CCSER1: variants seen among roughly 807,000 people sequenced by gnomAD.
The protein encoded by CCSER1 is coiled-coil serine rich protein 1, also known as serine-rich coiled-coil domain-containing protein 1.
A neutral mutation model predicts 82.0 loss-of-function variants in CCSER1; 41 were observed. The observed-to-expected ratio is 0.50, with a 90% CI of 0.39 to 0.65. The LOEUF (loss-of-function observed/expected upper bound fraction) is 0.65, where lower values mean the gene tolerates loss of function less well. CCSER1 is among the 30% of genes least tolerant of loss of function. CCSER1 has a pLI of 0.00. For synonymous variants in CCSER1, 414 were observed against 383.9 expected, an observed-to-expected ratio of 1.08 and a Z score of -0.92; for missense variants, 1,119 against 1,064.2, an observed-to-expected ratio of 1.05 and a Z score of -0.72.
At chr4:91,588,860 A>T (rs1764134422) in intron 10 of CCSER1, among the ~76,000 whole-genome samples, 1 of 151,834 alleles carries the variant, frequency 6.6e-6, no homozygotes. Flanking sequence ...TATTAGTAAG[A>T]GCCTCAGCTT....
chr4:90,232,239 TAACCAAA>T (rs1744738180), intron 1 of CCSER1, among the ~76,000 whole-genome samples: 1 of 151,714 alleles, frequency 6.6e-6, no homozygotes. Context: ...AAGGCTACAG[TAACCAAA>T]ACAGCATGGT....
intron 10 of CCSER1, among the ~76,000 whole-genome samples, chr4:91,483,027 G>A (rs2110050032): frequency 6.6e-6 from 1 of 151,728 alleles, no homozygotes; most frequent in South Asian, 2.1e-4. Context: ...ACACCAACAT[G>A]GCACATGTAT....
chr4:90,937,500 CACAA>C (rs1372656231), intron 9 of CCSER1, among the ~76,000 whole-genome samples: 3 of 149,274 alleles, frequency 2.0e-5, no homozygotes, highest in African/African-American at 7.7e-5. Flanking sequence ...CACACACACA[CACAA>C]ACACACACAC....
At chr4:91,479,104 C>T (rs1220082048) in intron 10 of CCSER1, among the ~76,000 whole-genome samples, 1 of 150,604 alleles carries the variant, frequency 6.6e-6, no homozygotes, top group Admixed American at 6.6e-5. Flanking sequence ...AATACTACAA[C>T]TTAAGGATCT....
chr4:90,698,125 T>G (rs1416010776), intron 6 of CCSER1, among the ~76,000 whole-genome samples: 1 of 152,152 alleles, frequency 6.6e-6, no homozygotes, highest in Non-Finnish European at 1.5e-5. Context: ...GCTAGAAAGC[T>G]TTCATAGTAA....
chr4:90,946,749 G>A (rs970301835), intron 9 of CCSER1, among the ~76,000 whole-genome samples: 1 of 152,082 alleles, frequency 6.6e-6, no homozygotes, highest in African/African-American at 2.4e-5. Flanking sequence ...AAGCAGTCTT[G>A]ATTTCAGATT....
At chr4:90,806,072 A>G (rs1332583444) in intron 7 of CCSER1, among the ~76,000 whole-genome samples, 1 of 152,196 alleles carries the variant, frequency 6.6e-6, no homozygotes, top group Non-Finnish European at 1.5e-5. Context: ...AGTTTTTGTT[A>G]TATAGTAATG....
chr4:90,784,118 G>A (rs2149625861), intron 7 of CCSER1, among the ~76,000 whole-genome samples: 1 of 152,320 alleles, frequency 6.6e-6, no homozygotes, highest in South Asian at 2.1e-4. Context: ...AGATAAATAG[G>A]AGAGAGTAAA....
At position 90,968,251 on chromosome 4, in the gene CCSER1, G is replaced by A. The variant is rs114513034; in HGVS notation, c.2172+44804G>A. Among the ~76,000 whole-genome samples, 311 of 151,784 alleles carry A rather than the reference G, an allele frequency of 2.0e-3. 2 individuals carry two copies. Among genetic ancestry groups the A allele is most frequent in the African/African-American group, 6.5e-3 (268 of 41,376 alleles). ...AATAAAAGAACCAAAATAGTATGTCGAAAGAACTTTAAAAAAGAGCCAAGA... is the reference window on the plus strand; with the variant it reads ...AATAAAAGAACCAAAATAGTATGTCAAAAGAACTTTAAAAAAGAGCCAAGA... On this transcript the variant is annotated intron_variant, in intron 9 of 10. Coordinates refer to ENST00000509176, the MANE Select transcript of CCSER1 (RefSeq NM_001145065.2).
chr4:91,179,100 C>G (rs544432223), intron 10 of CCSER1, among the ~76,000 whole-genome samples: 36 of 152,260 alleles, frequency 2.4e-4, no homozygotes, highest in African/African-American at 8.2e-4. Flanking sequence ...GCTGAAAATT[C>G]TTTTCTTTAT....
intron 5 of CCSER1, among the ~76,000 whole-genome samples, chr4:90,550,745 C>T (rs1777364804): frequency 6.6e-6 from 1 of 151,496 alleles, no homozygotes; most frequent in African/African-American, 2.4e-5. Context: ...TTTTACACAG[C>T]AAAAATATAT....
intron 10 of CCSER1, among the ~76,000 whole-genome samples, chr4:91,388,775 G>A (rs1698718487): frequency 6.6e-6 from 1 of 151,960 alleles, no homozygotes; most frequent in Admixed American, 6.6e-5. Context: ...AAGTTAGGTA[G>A]TGTCCGTCTT....
chr4:90,546,748 C>T (rs1017298321), intron 5 of CCSER1, among the ~76,000 whole-genome samples: 1 of 152,076 alleles, frequency 6.6e-6, no homozygotes, highest in African/African-American at 2.4e-5. Context: ...GAGAGCTTAG[C>T]ATCCCCTAAA....
intron 1 of CCSER1, among the ~76,000 whole-genome samples, chr4:90,186,846 C>G (rs964077417): frequency 4.6e-5 from 7 of 151,590 alleles, no homozygotes; most frequent in African/African-American, 1.5e-4. Flanking sequence ...CTGGTTTTTC[C>G]CCCCCATGGT....
chr4:90,308,066 G>A (rs1734624270), intron 1 of CCSER1, among the ~76,000 whole-genome samples, 178 bp from the exon 2 acceptor site: 2 of 152,016 alleles, frequency 1.3e-5, no homozygotes, highest in Admixed American at 1.3e-4. Context: ...TAGCTATTGG[G>A]TCATTTTTAC....
At chr4:90,533,084 GTTTT>G (rs59215370) in intron 5 of CCSER1, among the ~76,000 whole-genome samples, 586 of 88,952 alleles carry the variant, frequency 6.6e-3, no homozygotes, top group Middle Eastern at 0.024. Context: ...ATTTCTGTGG[GTTTT>G]TTTTTTTTTT....
At chr4:90,152,949 T>G (rs1727169812) in intron 1 of CCSER1, among the ~76,000 whole-genome samples, 1 of 151,320 alleles carries the variant, frequency 6.6e-6, no homozygotes, top group Non-Finnish European at 1.5e-5. Context: ...GTTAGTTACA[T>G]ATGTATACAT....
At chr4:91,005,482 T>G (rs1246635949) in intron 9 of CCSER1, among the ~76,000 whole-genome samples, 1 of 152,140 alleles carries the variant, frequency 6.6e-6, no homozygotes, top group Non-Finnish European at 1.5e-5. Flanking sequence ...TTCAGATTGT[T>G]AAACACTAAA....
At chr4:91,030,008 A>AAT (rs35745181) in intron 9 of CCSER1, among the ~76,000 whole-genome samples, 51,342 of 151,776 alleles carry the variant, frequency 0.34, 10,481 homozygotes, top group East Asian at 0.58. Flanking sequence ...CTTATCTATT[A>AAT]ATCATTAATT....
Sources: allele counts gnomAD v4.1 joint callset (sites outside exome capture counted in the v4.1 genomes callset), GRCh38; gene constraint gnomAD v4.1.1; transcripts MANE v1.5; gene names NCBI Gene and HGNC (gene_info 2026-07-23, HGNC 2026-07-21).